Variants in IQSEC3 observed in about 807,000 individuals in gnomAD.
IQSEC3 encodes the protein IQ motif and Sec7 domain ArfGEF 3, also known as IQ motif and SEC7 domain-containing protein 3.
IQSEC3 carries 50 observed loss-of-function variants against 105.4 expected under a neutral mutation model. That is an observed-to-expected ratio of 0.47 (90% CI 0.38 to 0.60). The LOEUF is 0.60. IQSEC3 is among the 20% of genes least tolerant of loss of function. The pLI, the probability that IQSEC3 is intolerant of heterozygous loss-of-function variation, is 0.00. For missense variants in IQSEC3, 1,415 were observed against 1,630.0 expected (o/e 0.87, Z 2.27); for synonymous variants, 708 against 746.0 (o/e 0.95, Z 0.83).
At chr12:170,480 G>GC (rs1478455602) in intron 12 of IQSEC3, among the ~76,000 whole-genome samples, 1 of 152,226 alleles carries the variant, frequency 6.6e-6, no homozygotes, top group Non-Finnish European at 1.5e-5. Context: ...GGGGAAGCTG[G>GC]CACCCCCAGG....
intron 1 of IQSEC3, among the ~76,000 whole-genome samples, chr12:93,740 G>A (rs1864163691): frequency 6.6e-6 from 1 of 152,206 alleles, no homozygotes; most frequent in African/African-American, 2.4e-5. Context: ...AGTTGGAGGT[G>A]GGGCCTAACT....
chr12:70,321 C>T (rs1413544310), intron 1 of IQSEC3, among the ~76,000 whole-genome samples: 3 of 152,272 alleles, frequency 2.0e-5, no homozygotes, highest in African/African-American at 4.8e-5. Flanking sequence ...TGCATTAATA[C>T]ATAATCTGGC....
At chr12:110,436 T>C (rs970806371) in intron 2 of IQSEC3, among the ~76,000 whole-genome samples, 1 of 151,744 alleles carries the variant, frequency 6.6e-6, no homozygotes, top group Non-Finnish European at 1.5e-5. Context: ...GGATCTCGAA[T>C]GCTTTCAAGA....
chr12:147,384 G>A (rs782479177), intron 5 of IQSEC3, among the ~76,000 whole-genome samples: 3 of 152,196 alleles, frequency 2.0e-5, no homozygotes, highest in African/African-American at 4.8e-5. Flanking sequence ...CAGCGACTCC[G>A]GGAGGGACGT....
intron 4 of IQSEC3, 100 bp downstream of exon 4, chr12:139,454 T>C: frequency 1.0e-6 from 1 of 993,960 alleles, no homozygotes; most frequent in East Asian, 2.7e-5. Flanking sequence ...CCAGGTAACT[T>C]CCCACGTCAT....
chr12:134,393 G>C, intron 3 of IQSEC3, among the ~76,000 whole-genome samples: 1 of 152,330 alleles, frequency 6.6e-6, no homozygotes, highest in Middle Eastern at 3.4e-3. Flanking sequence ...AGTAGTACAC[G>C]GAGTCTCCTA....
At chr12:108,155 C>T (rs1178260927) in intron 2 of IQSEC3, among the ~76,000 whole-genome samples, 1 of 152,194 alleles carries the variant, frequency 6.6e-6, no homozygotes, top group Non-Finnish European at 1.5e-5. Context: ...TTCTGATGGC[C>T]GTTTACATGA....
intron 1 of IQSEC3, among the ~76,000 whole-genome samples, chr12:98,774 G>A (rs1351576975): frequency 1.3e-5 from 2 of 152,208 alleles, no homozygotes; most frequent in Admixed American, 6.5e-5. Context: ...CAGGACCATC[G>A]TGGAGAACAG....
intron 2 of IQSEC3, among the ~76,000 whole-genome samples, chr12:111,204 C>T (rs2136943986): frequency 6.6e-6 from 1 of 152,294 alleles, no homozygotes; most frequent in South Asian, 2.1e-4. Flanking sequence ...CCTGTCTCCT[C>T]TCGTGAGGAT....
At chr12:122,929 A>G (rs1555082224) in intron 2 of IQSEC3, among the ~76,000 whole-genome samples, 1 of 152,192 alleles carries the variant, frequency 6.6e-6, no homozygotes, top group African/African-American at 2.4e-5. Context: ...GCCAAGGACA[A>G]TCTGGAGGAA....
chr12:107,412 T>TC (rs1199450447), intron 2 of IQSEC3, among the ~76,000 whole-genome samples: 3 of 134,642 alleles, frequency 2.2e-5, no homozygotes, highest in East Asian at 2.1e-4. Flanking sequence ...CTTTTTTTTT[T>TC]TTTTTTTTTT....
intron 13 of IQSEC3, 94 bp downstream of exon 13, chr12:171,255 CAA>C: frequency 6.2e-7 from 1 of 1,613,784 alleles, no homozygotes; most frequent in Non-Finnish European, 8.5e-7. Flanking sequence ...AGGTATTAAT[CAA>C]TGCCTCCCCA....
chr12:111,069 T>TG (rs1205355446), intron 2 of IQSEC3, among the ~76,000 whole-genome samples: 36 of 152,206 alleles, frequency 2.4e-4, no homozygotes, highest in Admixed American at 4.6e-4. Flanking sequence ...CTGAGATGTA[T>TG]GGGGGGGCAA....
At chr12:110,903 C>T (rs782781074) in intron 2 of IQSEC3, among the ~76,000 whole-genome samples, 3 of 152,136 alleles carry the variant, frequency 2.0e-5, no homozygotes, top group Admixed American at 2.0e-4. Context: ...TTAGAAGGAA[C>T]GGGGAAATTC....
intron 5 of IQSEC3, among the ~76,000 whole-genome samples, chr12:154,150 G>C: frequency 6.6e-6 from 1 of 152,178 alleles, no homozygotes; most frequent in African/African-American, 2.4e-5. Flanking sequence ...TTTCAACCTG[G>C]CTGCTTCCCC....
intron 2 of IQSEC3, among the ~76,000 whole-genome samples, chr12:113,072 G>A (rs753643374): frequency 1.3e-4 from 20 of 152,184 alleles, no homozygotes; most frequent in East Asian, 3.9e-4. Context: ...AAGTGCCCCC[G>A]GAATGCCACG....
In IQSEC3 at chr12:178,349, C is replaced by T. The variant is rs920266898; in HGVS notation, c.*3316C>T. 6.6e-6 allele frequency: 1 copy of T among 152,206 alleles called. No individual in the cohort carries two copies. The highest frequency in any genetic ancestry group is 1.5e-5 in the Non-Finnish European group (1 of 68,058). The allele number at this position is 152,206 out of a possible 1,614,324, so 9.4% of individuals were successfully genotyped here. ...CTAGGGAAAGGCAGGGTGGCTGCAC[C>T]CAGCAACTAATCCAAATGGCAAATA... is the stretch of plus-strand genomic sequence containing the variant. On this transcript the variant is annotated 3_prime_UTR_variant, in exon 14 of 14. Transcript: ENST00000538872.
chr12:83,509 G>C (rs558150310), intron 1 of IQSEC3, among the ~76,000 whole-genome samples: 1 of 152,070 alleles, frequency 6.6e-6, no homozygotes, highest in South Asian at 2.1e-4. Flanking sequence ...AACAGAGCAC[G>C]TGAAGACCTC....
chr12:90,010 T>C (rs1162065222), intron 1 of IQSEC3, among the ~76,000 whole-genome samples: 4 of 152,270 alleles, frequency 2.6e-5, no homozygotes, highest in Non-Finnish European at 4.4e-5. Context: ...TTTTCCAAAG[T>C]GTGGCACTAT....
Sources: allele counts gnomAD v4.1 joint callset (sites outside exome capture counted in the v4.1 genomes callset), GRCh38; gene constraint gnomAD v4.1.1; transcripts MANE v1.5; gene names NCBI Gene and HGNC (gene_info 2026-07-23, HGNC 2026-07-21).